Variants in NAV1 observed in about 807,000 individuals in gnomAD.
NAV1 encodes neuron navigator 1.
NAV1 carries 18 observed loss-of-function variants against 175.2 expected under a neutral mutation model. That is an observed-to-expected ratio of 0.10 (90% CI 0.07 to 0.15). The LOEUF is 0.15. Ranked by LOEUF, NAV1 falls within the 10% of genes least tolerant of loss-of-function variation. The probability of loss-of-function intolerance (pLI) is 1.00; values close to 1 mark genes in which losing one functional copy is unlikely to be tolerated. For synonymous variants in NAV1, 897 were observed against 978.7 expected (o/e 0.92, Z 1.56); for missense variants, 1,731 against 2,436.6 (o/e 0.71, Z 6.10).
At chr1:201,793,919 G>T in intron 14 of NAV1, 44 bp downstream of exon 18, 1 of 1,486,494 alleles carries the variant, frequency 6.7e-7, no homozygotes, top group South Asian at 1.2e-5. Flanking sequence ...TGCGGCGAGG[G>T]GGTTCTCCTG....
chr1:201,660,063 C>A (rs1425748973), intron 1 of NAV1, among the ~76,000 whole-genome samples: 1 of 152,158 alleles, frequency 6.6e-6, no homozygotes, highest in African/African-American at 2.4e-5. Context: ...TCTTCATGCT[C>A]CCACAGGGCC....
At chr1:201,755,023 G>A (rs1421660676) in intron 3 of NAV1, among the ~76,000 whole-genome samples, 2 of 152,126 alleles carry the variant, frequency 1.3e-5, no homozygotes, top group Non-Finnish European at 2.9e-5. Flanking sequence ...TACAACTTTA[G>A]AGAAATTAGT....
chr1:201,691,992 AT>A (rs1670967067), intron 1 of NAV1, among the ~76,000 whole-genome samples: 2 of 152,148 alleles, frequency 1.3e-5, no homozygotes, highest in Non-Finnish European at 2.9e-5. Context: ...TCTCTTGGTC[AT>A]TCTTCACGCT....
chr1:201,559,563 T>C (rs1159294798), intron 1 of NAV1, among the ~76,000 whole-genome samples: 2 of 151,964 alleles, frequency 1.3e-5, no homozygotes, highest in African/African-American at 2.4e-5. Flanking sequence ...AAATTGTCCA[T>C]TGAAGCACTG....
At chr1:201,707,260 A>C (rs1671708374) in intron 1 of NAV1, among the ~76,000 whole-genome samples, 1 of 152,162 alleles carries the variant, frequency 6.6e-6, no homozygotes, top group African/African-American at 2.4e-5. Flanking sequence ...ATGAGAGACA[A>C]GGGGCCAGCC....
At chr1:201,766,032 T>C (rs1675190992) in intron 3 of NAV1, among the ~76,000 whole-genome samples, 1 of 152,206 alleles carries the variant, frequency 6.6e-6, no homozygotes, top group South Asian at 2.1e-4. Context: ...GGACTGGAAT[T>C]GTAAGAGCTT....
chr1:201,792,478 G>T (rs1030468729), intron 13 of NAV1: 1 of 152,420 alleles, frequency 6.6e-6, no homozygotes, highest in South Asian at 2.1e-4. Flanking sequence ...GGAAGTGTAG[G>T]GGAGAGCGGG....
chr1:201,667,397 GT>G (rs1669866204), intron 1 of NAV1, among the ~76,000 whole-genome samples: 1 of 152,216 alleles, frequency 6.6e-6, no homozygotes, highest in South Asian at 2.1e-4. Flanking sequence ...CAGGGAAGGA[GT>G]GGGTGGGACC....
intron 1 of NAV1, among the ~76,000 whole-genome samples, chr1:201,560,383 G>A (rs923885892): frequency 6.6e-6 from 1 of 152,102 alleles, no homozygotes; most frequent in African/African-American, 2.4e-5. Context: ...CTTAGCCAGC[G>A]CCAGCTTCCC....
chr1:201,718,300 G>T lies in NAV1; in HGVS notation c.861-90G>T. 3.7e-6 allele frequency: 5 copies of T among 1,353,192 alleles called. No individual in the cohort carries two copies. The highest frequency in any genetic ancestry group is 4.8e-6 in the Non-Finnish European group (5 of 1,036,276). 83.8% of individuals were successfully genotyped at this position (1,353,192 alleles called of 1,614,324 possible). On this transcript the variant is annotated intron_variant, in intron 2 of 29. Coordinates refer to ENST00000367296, the Ensembl canonical transcript of NAV1. The surrounding 1 kb of genome is among the most constrained non-coding windows in gnomAD (Gnocchi z 4.8). The stretch of plus-strand genomic sequence containing the variant: ...GAGGAGGTGACAGGGCCTGTGGGTG[G>T]AGGGGAGGCATTGCTGGGGTGCATG...
At chr1:201,800,817 C>CTTTTTTTTTTTTT in intron 15 of NAV1, among the ~76,000 whole-genome samples, 1 of 90,788 alleles carries the variant, frequency 1.1e-5, no homozygotes, top group Non-Finnish European at 2.0e-5. Flanking sequence ...CTTGGTGTAT[C>CTTTTTTTTTTTTT]TTTTTTTTTT....
In NAV1 at chr1:201,807,345, C is replaced by T. The variant is rs892106056; in HGVS notation, c.3649-608C>T. On this transcript the variant is annotated intron_variant, in intron 17 of 29. Transcript: ENST00000367296. This position sits in a 1 kb window ranked among gnomAD's most constrained non-coding sequence, Gnocchi z 5.4. ...AAGAAGCTTGAGCCCACTGCCTTCTCGTGTTCTCCACAGAATCATATTGTC... is the reference window on the plus strand; with the variant it reads ...AAGAAGCTTGAGCCCACTGCCTTCTTGTGTTCTCCACAGAATCATATTGTC... Among the ~76,000 whole-genome samples the T allele has an allele frequency of 3.3e-5, 5 of 152,198 alleles. No homozygotes were observed. The highest frequency in any genetic ancestry group is 9.7e-5 in the African/African-American group (4 of 41,438).
intron 13 of NAV1, chr1:201,793,557 C>T: frequency 2.1e-6 from 1 of 484,288 alleles, no homozygotes. Context: ...CTCTGGAAAC[C>T]TGCCCTACCC....
chr1:201,712,378 G>C (rs535252199), intron 1 of NAV1, among the ~76,000 whole-genome samples: 47 of 152,250 alleles, frequency 3.1e-4, no homozygotes, highest in African/African-American at 1.1e-3. Context: ...ACCACACATC[G>C]GTGTCCCCTT....
intron 8 of NAV1, among the ~76,000 whole-genome samples, chr1:201,785,900 C>G (rs749189859): frequency 1.4e-5 from 2 of 145,592 alleles, no homozygotes; most frequent in Non-Finnish European, 3.0e-5. Context: ...TCAAGCGATT[C>G]TCCTGCCTCA....
At chr1:201,598,979 G>T (rs1417745606) in intron 2 of NAV1, among the ~76,000 whole-genome samples, 1 of 152,196 alleles carries the variant, frequency 6.6e-6, no homozygotes, top group Admixed American at 6.5e-5. Flanking sequence ...TCAGGAAGGA[G>T]CTGCCTGTCA....
chr1:201,780,331 T>C, intron 3 of NAV1, 90 bp from the exon 8 acceptor site: 1 of 1,512,164 alleles, frequency 6.6e-7, no homozygotes, highest in South Asian at 1.2e-5. Flanking sequence ...TATATACTGG[T>C]GCAGAGCCAT....
rs1006561890 is a variant in NAV1, at chr1:201,694,931, A to G, written c.758-17886A>G. Among the ~76,000 whole-genome samples, 1 of 152,248 alleles carries G rather than the reference A, an allele frequency of 6.6e-6. No homozygotes were observed. The highest frequency in any genetic ancestry group is 1.5e-5 in the Non-Finnish European group (1 of 68,048). ...GCTCACACAGCAGGAGGAATGTGAA[A>G]GAAGCTGGCACACAGTAGGCATTTG... On this transcript the variant is annotated intron_variant, in intron 1 of 29. Transcript: ENST00000367296. This position sits in a 1 kb window ranked among gnomAD's most constrained non-coding sequence, Gnocchi z 4.2.
At chr1:201,558,491 C>T (rs1315533179) in intron 1 of NAV1, among the ~76,000 whole-genome samples, 3 of 152,158 alleles carry the variant, frequency 2.0e-5, no homozygotes, top group South Asian at 2.1e-4. Context: ...CTTGCTCTGT[C>T]GCCCAGGCTG....
Sources: gnomAD v4.1 joint callset for allele counts (sites outside exome capture counted in the v4.1 genomes callset) on GRCh38, gnomAD v4.1.1 for gene constraint, Gnocchi (gnomAD v3.1) non-coding constraint, MANE v1.5 for transcripts, NCBI Gene and HGNC (gene_info 2026-07-23, HGNC 2026-07-21) for gene names.